Variants in NEK10 observed in about 807,000 individuals in gnomAD.
NEK10 encodes the protein NIMA related kinase 10, also known as serine/threonine-protein kinase Nek10.
Under a neutral mutation model 159.8 loss-of-function variants are expected in NEK10, and 122 were observed. The observed-to-expected ratio is 0.76, with a 90% CI of 0.66 to 0.89. The LOEUF is 0.89. Ranked by LOEUF, NEK10 falls within the 40% of genes least tolerant of loss-of-function variation. NEK10 has a pLI of 0.00. For synonymous variants in NEK10, 466 were observed against 457.1 expected (o/e 1.02, Z -0.25); for missense variants, 1,342 against 1,323.1 (o/e 1.01, Z -0.22).
chr3:27,177,555 A>AAT (rs572340320), intron 26 of NEK10, among the ~76,000 whole-genome samples: 3 of 142,042 alleles, frequency 2.1e-5, no homozygotes, highest in East Asian at 3.9e-4. Flanking sequence ...CAAAAAAAAA[A>AAT]ATATATATAT....
intron 23 of NEK10, among the ~76,000 whole-genome samples, chr3:27,227,143 G>A (rs34684700): frequency 0.18 from 27,819 of 152,036 alleles, 2,574 homozygotes; most frequent in Non-Finnish European, 0.21. Context: ...TTTTCTAATG[G>A]GAAAAATGAC....
chr3:27,342,164 C>T (rs2047243406), intron 5 of NEK10, among the ~76,000 whole-genome samples: 1 of 152,128 alleles, frequency 6.6e-6, no homozygotes, highest in South Asian at 2.1e-4. Context: ...CCCTTCCTTG[C>T]ACACAGTACA....
chr3:27,249,178 T>C (rs1237133603), intron 23 of NEK10, among the ~76,000 whole-genome samples: 6 of 152,202 alleles, frequency 3.9e-5, no homozygotes, highest in Non-Finnish European at 7.3e-5. Flanking sequence ...TGCTGCCTTG[T>C]AAAGAAGGAG....
chr3:27,317,293 G>A (rs182065760), intron 6 of NEK10, among the ~76,000 whole-genome samples: 1 of 152,258 alleles, frequency 6.6e-6, no homozygotes, highest in Admixed American at 6.5e-5. Flanking sequence ...ATACACATGG[G>A]CTTAACACTT....
intron 5 of NEK10, among the ~76,000 whole-genome samples, chr3:27,333,730 G>A (rs1365984567): frequency 6.6e-6 from 1 of 151,322 alleles, no homozygotes; most frequent in Admixed American, 6.6e-5. Flanking sequence ...CCAGGGCTGA[G>A]CAAGGCACCA....
At chr3:27,263,902 C>T (rs183328787) in intron 22 of NEK10, among the ~76,000 whole-genome samples, 257 of 152,302 alleles carry the variant, frequency 1.7e-3, no homozygotes, top group African/African-American at 5.6e-3. Flanking sequence ...CCGTCTTCTG[C>T]GTCGCTCATG....
intron 20 of NEK10, among the ~76,000 whole-genome samples, 152 bp downstream of exon 20, chr3:27,287,546 A>G (rs1229303762): frequency 1.3e-5 from 2 of 152,230 alleles, no homozygotes; most frequent in Non-Finnish European, 2.9e-5. Context: ...TTCACTAGTC[A>G]AGAAAGTGAT....
intron 5 of NEK10, among the ~76,000 whole-genome samples, chr3:27,324,980 A>C (rs796347299): frequency 5.3e-5 from 8 of 152,328 alleles, no homozygotes; most frequent in African/African-American, 1.9e-4. Flanking sequence ...GTGGCTTTTC[A>C]ACACTGGAAC....
intron 23 of NEK10, chr3:27,255,282 C>T (rs189035064): frequency 2.3e-6 from 1 of 436,210 alleles, no homozygotes; most frequent in East Asian, 7.2e-5. Context: ...GCCACAGTTT[C>T]TTTGCATCTT....
intron 5 of NEK10, among the ~76,000 whole-genome samples, chr3:27,338,804 T>A (rs553552999): frequency 6.6e-6 from 1 of 152,344 alleles, no homozygotes; most frequent in East Asian, 1.9e-4. Context: ...TTGGAATTCT[T>A]TGTAGATTCT....
chr3:27,320,798 A>C (rs2045566545), intron 6 of NEK10, among the ~76,000 whole-genome samples: 1 of 152,230 alleles, frequency 6.6e-6, no homozygotes. Flanking sequence ...CTTCTAATGG[A>C]AAGATGTGTA....
intron 5 of NEK10, among the ~76,000 whole-genome samples, chr3:27,333,697 CATGATCAAGATGCAGGCT>C (rs1009988237): frequency 1.1e-4 from 17 of 152,100 alleles, no homozygotes; most frequent in Admixed American, 1.0e-3. Flanking sequence ...AGGTAGGAGG[CATGATCAAGATGCAGGCT>C]ACAACCAGGG....
chr3:27,205,226 A>T (rs9758568), intron 23 of NEK10, among the ~76,000 whole-genome samples: 11 of 147,498 alleles, frequency 7.5e-5, no homozygotes, highest in Non-Finnish European at 1.1e-4. Context: ...ACAAATGGAT[A>T]AACATTCCAT....
In NEK10 at chr3:27,115,946, G is replaced by A; in HGVS notation, c.3293C>T (p.Ser1098Phe). 1 of 1,610,260 alleles carries A rather than the reference G, an allele frequency of 6.2e-7. No individual in the cohort carries two copies. Among genetic ancestry groups the A allele is most frequent in the Non-Finnish European group, 8.5e-7 (1 of 1,177,034 alleles). ...LEESGYYNFTSNRYHSYPWGT... is the reference protein window; with the variant it reads ...LEESGYYNFTFNRYHSYPWGT... ...GGCAAACTCTAGCTCTTACCTGTTA[G>A]ATGTAAAATTGTAATAGCCACTTTC... Residue 1098 changes from serine (S) to phenylalanine (F), a missense_variant, in exon 35 of 36, where the codon TCT becomes TTT. Transcript: ENST00000691995.
At chr3:27,168,641 C>T (rs1257432343) in intron 29 of NEK10, among the ~76,000 whole-genome samples, 2 of 152,146 alleles carry the variant, frequency 1.3e-5, no homozygotes, top group African/African-American at 4.8e-5. Flanking sequence ...CCCTTGTCTT[C>T]CCATTTTGCT....
intron 11 of NEK10, among the ~76,000 whole-genome samples, chr3:27,305,411 C>A (rs1045248571): frequency 6.6e-6 from 1 of 152,030 alleles, no homozygotes; most frequent in Non-Finnish European, 1.5e-5. Context: ...GTAATCCCAG[C>A]CACTTGGGAG....
chr3:27,142,704 A>T lies in NEK10; in HGVS notation c.2870-1122T>A, dbSNP rs540599476. The stretch of plus-strand genomic sequence containing the variant: ...TAAATATTTTGTTTTCAAGACATTT[A>T]AAGAGAACATTCAATGCAGTCATTT... On this transcript the variant is annotated intron_variant, in intron 30 of 35. Transcript: ENST00000691995. Among the ~76,000 whole-genome samples, 15 of 152,324 alleles carry T rather than the reference A, an allele frequency of 9.8e-5. 1 individual carries two copies. The South Asian group carries it at 2.9e-3, about 29-fold the overall frequency.
chr3:27,329,684 C>T (rs1026860052), intron 5 of NEK10, among the ~76,000 whole-genome samples: 5 of 152,192 alleles, frequency 3.3e-5, no homozygotes, highest in African/African-American at 1.2e-4. Context: ...CAAAGTGATA[C>T]TTTTCCCTGG....
intron 34 of NEK10, 22 bp downstream of exon 34, chr3:27,116,053 A>C (rs373867560): frequency 9.3e-6 from 15 of 1,613,150 alleles, no homozygotes; most frequent in Non-Finnish European, 1.3e-5. Context: ...AAAATCATTC[A>C]GAGACACTGC....
Sources: gnomAD v4.1 joint callset for allele counts (sites outside exome capture counted in the v4.1 genomes callset) on GRCh38, gnomAD v4.1.1 for gene constraint, MANE v1.5 for transcripts, NCBI Gene and HGNC (gene_info 2026-07-23, HGNC 2026-07-21) for gene names.